Variants in SLC5A8 observed in about 807,000 individuals in gnomAD.
SLC5A8 encodes the protein sodium-coupled monocarboxylate transporter 1.
A neutral mutation model predicts 71.9 loss-of-function variants in SLC5A8; 55 were observed. The observed-to-expected ratio is 0.77, with a 90% confidence interval of 0.62 to 0.96. SLC5A8 has a LOEUF of 0.96. Ranked by LOEUF, SLC5A8 falls within the 40% of genes least tolerant of loss-of-function variation. SLC5A8 has a pLI of 0.00. For synonymous variants in SLC5A8, 307 were observed against 276.1 expected (o/e 1.11, Z -1.11); for missense variants, 701 against 745.3 (o/e 0.94, Z 0.69).
At chr12:101,177,142 T>C (rs1043598849) in intron 10 of SLC5A8, among the ~76,000 whole-genome samples, 2 of 152,072 alleles carry the variant, frequency 1.3e-5, no homozygotes, top group Admixed American at 1.3e-4. Flanking sequence ...CAACTATACA[T>C]GTATAAATTT....
At chr12:101,193,802 G>T (rs1393352911) in intron 4 of SLC5A8, 23 bp from the exon 5 acceptor site, 2 of 1,610,618 alleles carry the variant, frequency 1.2e-6, no homozygotes, top group Non-Finnish European at 1.7e-6. Flanking sequence ...AGTATATTAG[G>T]ATTAATGCTT....
Position 101,177,868 on chromosome 12 carries a change from T to C in SLC5A8, c.1233+2161A>G, listed in dbSNP as rs564492717. Among the ~76,000 whole-genome samples, 4 of 152,208 alleles carry C rather than the reference T, an allele frequency of 2.6e-5. No homozygotes were observed. In the East Asian group the frequency reaches 7.7e-4, roughly 29 times the overall value. On this transcript the variant is annotated intron_variant, in intron 10 of 14. Transcript: ENST00000536262. ...CTCACTACTTCTATTCAACATGATA[T>C]GGAAGTTGAAGCCAGTGCAATAAGG...
intron 9 of SLC5A8, among the ~76,000 whole-genome samples, chr12:101,182,243 C>T (rs537492808): frequency 1.7e-4 from 26 of 152,272 alleles, no homozygotes; most frequent in East Asian, 3.9e-4. Flanking sequence ...ACAACTAAGA[C>T]GAGTCAAAAT....
In SLC5A8 at chr12:101,209,760, A is replaced by C; in HGVS notation, c.89T>G (p.Ile30Ser). The change falls in exon 1 of 15, where the codon ATC becomes AGC. Residue 30 changes from isoleucine (I) to serine (S), a missense_variant. Transcript: ENST00000536262. ...GCCGCCCCCAGCGAAGGCGTAGTAG[A>C]TGCCGATGGCGGCCGAGATGACCAG... Reference protein sequence around the residue: ...GMLVISAAIGIYYAFAGGGQQ... With the variant: ...GMLVISAAIGSYYAFAGGGQQ... 6.2e-7 allele frequency: 1 copy of C among 1,611,672 alleles called. No homozygotes were observed. The highest frequency in any genetic ancestry group is 1.7e-5 in the Admixed American group (1 of 59,988).
intron 3 of SLC5A8, among the ~76,000 whole-genome samples, 167 bp downstream of exon 3, chr12:101,201,997 C>T (rs541279822): frequency 1.3e-5 from 2 of 152,252 alleles, no homozygotes; most frequent in East Asian, 3.9e-4. Context: ...ATCCAAAAAC[C>T]CAAAGAAGCT....
Position 101,184,225 on chromosome 12 carries a change from G to GA in SLC5A8, c.964-4dup. The GA allele has an allele frequency of 6.2e-7, 1 of 1,612,084 alleles. No homozygotes were observed. The highest frequency in any genetic ancestry group is 8.5e-7 in the Non-Finnish European group (1 of 1,179,278). Reference sequence around the variant, plus strand: ...TCCAGTACCAAATAAGGCATGAGCTGAAAAATTCCAAAATTTATTTCCAAG... The same window carrying GA: ...TCCAGTACCAAATAAGGCATGAGCTGAAAAAATTCCAAAATTTATTTCCAAG... On this transcript the variant is annotated splice_polypyrimidine_tract_variant and splice_region_variant and intron_variant, in intron 7 of 14. Coordinates refer to ENST00000536262, the MANE Select transcript of SLC5A8 (RefSeq NM_145913.5).
At chr12:101,201,233 G>A (rs762125405) in intron 3 of SLC5A8, among the ~76,000 whole-genome samples, 1 of 152,142 alleles carries the variant, frequency 6.6e-6, no homozygotes, top group Non-Finnish European at 1.5e-5. Context: ...TGGTAATACC[G>A]ATGTGGAACA....
Position 101,209,938 on chromosome 12 carries a change from T to A in SLC5A8, c.-90A>T. 1.6e-6 allele frequency: 2 copies of A among 1,226,584 alleles called. No homozygotes were observed. Among genetic ancestry groups the A allele is most frequent in the Non-Finnish European group, 2.2e-6 (2 of 920,096 alleles). The allele number at this position is 1,226,584 out of a possible 1,614,324, so 76.0% of individuals were successfully genotyped here. ...GCGCGCACTTCTTATCCCGGATCCC[T>A]GGCGCGCAGGCGTGGCGTCCCGCGG... is the stretch of plus-strand genomic sequence containing the variant. On this transcript the variant is annotated 5_prime_UTR_variant, in exon 1 of 15. Transcript: ENST00000536262.
chr12:101,158,598 CTATATATATATA>C lies in SLC5A8; in HGVS notation c.1631-282_1631-271del, dbSNP rs139268658. On this transcript the variant is annotated intron_variant, in intron 13 of 14. Coordinates refer to ENST00000536262, the MANE Select transcript of SLC5A8 (RefSeq NM_145913.5). ...TCTCTCTCTCTCTCTCTCTCTCTCT[CTATATATATATA>C]TATATATATATATATATATATATGT... Among the ~76,000 whole-genome samples the C allele has an allele frequency of 4.6e-3, 98 of 21,232 alleles. 2 individuals are homozygous for C. The highest frequency in any genetic ancestry group is 8.2e-3 in the South Asian group (4 of 486). 13.9% of individuals were successfully genotyped at this position (21,232 alleles called of 152,430 possible). A position where few individuals can be genotyped will look rare whatever the true frequency, so the allele number is the denominator to read the frequency against.
intron 1 of SLC5A8, among the ~76,000 whole-genome samples, chr12:101,206,352 A>G (rs1036676916): frequency 6.6e-6 from 1 of 152,218 alleles, no homozygotes; most frequent in African/African-American, 2.4e-5. Flanking sequence ...GTAAATCTCT[A>G]TGAATCACTA....
chr12:101,179,971 C>T, intron 10 of SLC5A8, 58 bp downstream of exon 10: 2 of 1,576,498 alleles, frequency 1.3e-6, no homozygotes, highest in South Asian at 1.1e-5. Context: ...ATGGTCACAT[C>T]AACATTGAAA....
At chr12:101,186,145 C>CGTTATT (rs1566316683) in intron 7 of SLC5A8, among the ~76,000 whole-genome samples, 2 of 142,482 alleles carry the variant, frequency 1.4e-5, no homozygotes, top group African/African-American at 5.2e-5. Flanking sequence ...TTTTTAAAGT[C>CGTTATT]GTTATTGTCT....
At chr12:101,184,071 A>G (rs1208678116) in intron 8 of SLC5A8, 63 bp downstream of exon 8, 31 of 1,512,794 alleles carry the variant, frequency 2.0e-5, no homozygotes, top group Non-Finnish European at 2.7e-5. Flanking sequence ...CCGCTAAAGT[A>G]TCTAATAATA....
intron 5 of SLC5A8, among the ~76,000 whole-genome samples, chr12:101,190,927 A>T (rs1326274742): frequency 6.6e-6 from 1 of 152,192 alleles, no homozygotes; most frequent in East Asian, 1.9e-4. Context: ...ACATGATATA[A>T]TCAGAGAAGA....
At chr12:101,191,535 T>C (rs1179988483) in intron 5 of SLC5A8, among the ~76,000 whole-genome samples, 3 of 152,226 alleles carry the variant, frequency 2.0e-5, no homozygotes, top group African/African-American at 7.2e-5. Flanking sequence ...TTCAAGACTG[T>C]TGACCCTTTC....
At chr12:101,207,100 A>G (rs1052103667) in intron 1 of SLC5A8, among the ~76,000 whole-genome samples, 8 of 152,316 alleles carry the variant, frequency 5.3e-5, no homozygotes, top group East Asian at 1.9e-4. Flanking sequence ...GCCATGACCA[A>G]TTGGGAGGGT....
intron 10 of SLC5A8, among the ~76,000 whole-genome samples, chr12:101,176,237 T>A (rs2051878987): frequency 6.6e-6 from 1 of 151,926 alleles, no homozygotes; most frequent in Non-Finnish European, 1.5e-5. Flanking sequence ...GCAAAAAAAT[T>A]TCTCAGAGAC....
At chr12:101,169,569 G>A in intron 10 of SLC5A8, among the ~76,000 whole-genome samples, 1 of 152,134 alleles carries the variant, frequency 6.6e-6, no homozygotes, top group East Asian at 1.9e-4. Flanking sequence ...CCAAGCCTTA[G>A]GACTGAAGAA....
chr12:101,200,101 A>C (rs79161772), intron 3 of SLC5A8, among the ~76,000 whole-genome samples: 5,935 of 142,074 alleles, frequency 0.042, 421 homozygotes, highest in African/African-American at 0.14. Flanking sequence ...TGAATCTCAA[A>C]ACATTTTGCT....
Sources: gnomAD v4.1 joint callset for allele counts (sites outside exome capture counted in the v4.1 genomes callset) on GRCh38, gnomAD v4.1.1 for gene constraint, MANE v1.5 for transcripts, NCBI Gene and HGNC (gene_info 2026-07-23, HGNC 2026-07-21) for gene names.